Variants in TDRD3 observed in about 807,000 individuals in gnomAD.
TDRD3 encodes the protein tudor domain containing 3, also known as tudor domain-containing protein 3.
A neutral mutation model predicts 86.7 loss-of-function variants in TDRD3; 45 were observed. That is an observed-to-expected ratio of 0.52 (90% CI 0.41 to 0.67). TDRD3 has a LOEUF of 0.67. TDRD3 is among the 30% of genes least tolerant of loss of function. The pLI is 0.00. For missense variants in TDRD3, 814 were observed against 889.0 expected (o/e 0.92, Z 1.07); for synonymous variants, 298 against 301.7 (o/e 0.99, Z 0.13).
chr13:60,506,985 G>T (rs933145646), intron 8 of TDRD3, among the ~76,000 whole-genome samples: 7 of 152,072 alleles, frequency 4.6e-5, no homozygotes, highest in African/African-American at 1.7e-4. Flanking sequence ...ACACACATAG[G>T]CTCAAAATAT....
rs568213936 is a variant in TDRD3, at chr13:60,476,045, T to A, written c.496-7730T>A. 9.9e-4 allele frequency among the ~76,000 whole-genome samples: 151 copies of A among 152,194 alleles called. 1 individual carries two copies. The highest frequency in any genetic ancestry group is 1.9e-3 in the Non-Finnish European group (131 of 68,030). Reference sequence around the variant, plus strand: ...CTGTGCAGAAGCTCTTTAGTTTAATTGGGTCCCACTTCTTATTTTTGTTTT... The same window carrying A: ...CTGTGCAGAAGCTCTTTAGTTTAATAGGGTCCCACTTCTTATTTTTGTTTT... On this transcript the variant is annotated intron_variant, in intron 5 of 13. Transcript: ENST00000377881.
intron 3 of TDRD3, among the ~76,000 whole-genome samples, chr13:60,457,106 G>A (rs1442657092): frequency 1.3e-5 from 2 of 152,070 alleles, no homozygotes; most frequent in Non-Finnish European, 2.9e-5. Flanking sequence ...TAACTACAGA[G>A]TATAAGAAAC....
Position 60,565,041 on chromosome 13 carries a change from C to CTTTTTTT in TDRD3, c.2119-2458_2119-2452dup, listed in dbSNP as rs869194148. On this transcript the variant is annotated intron_variant, in intron 12 of 13. Coordinates refer to ENST00000377881, the MANE Select transcript of TDRD3 (RefSeq NM_001146070.2). Reference sequence around the variant, plus strand: ...GAACTGAAAACCAAACTATCAGTATCTTTTTTTTTTTTTTTTTTTTTTTTT... The same window carrying CTTTTTTT: ...GAACTGAAAACCAAACTATCAGTATCTTTTTTTTTTTTTTTTTTTTTTTTTTTTTTTT... Among the ~76,000 whole-genome samples the CTTTTTTT allele has an allele frequency of 2.6e-3, 181 of 70,886 alleles. 36 individuals carry two copies. Among genetic ancestry groups the CTTTTTTT allele is most frequent in the African/African-American group, 8.6e-3 (140 of 16,186 alleles). 46.5% of individuals were successfully genotyped at this position (70,886 alleles called of 152,430 possible).
chr13:60,526,180 C>CT (rs1375111375), intron 10 of TDRD3, among the ~76,000 whole-genome samples: 1 of 152,052 alleles, frequency 6.6e-6, no homozygotes, highest in African/African-American at 2.4e-5. Flanking sequence ...AAATTCTTCC[C>CT]TAAACAGCAG....
At chr13:60,572,297 C>T (rs1031841542) in intron 13 of TDRD3, among the ~76,000 whole-genome samples, 22 of 152,074 alleles carry the variant, frequency 1.4e-4, no homozygotes, top group African/African-American at 4.8e-4. Flanking sequence ...AAATATTTTT[C>T]GGTGATGAAA....
chr13:60,532,144 A>G (rs564200630), intron 11 of TDRD3, among the ~76,000 whole-genome samples: 1 of 152,316 alleles, frequency 6.6e-6, no homozygotes, highest in South Asian at 2.1e-4. Flanking sequence ...AAAAAAAATC[A>G]AAGTACCAAA....
At chr13:60,487,239 T>A (rs879623844) in intron 7 of TDRD3, among the ~76,000 whole-genome samples, 4 of 152,190 alleles carry the variant, frequency 2.6e-5, no homozygotes, top group Non-Finnish European at 5.9e-5. Flanking sequence ...CTCATGCCTG[T>A]AACCCCAGCA....
chr13:60,448,512 T>G (rs908669545), intron 3 of TDRD3, among the ~76,000 whole-genome samples: 1 of 152,154 alleles, frequency 6.6e-6, no homozygotes, highest in Non-Finnish European at 1.5e-5. Flanking sequence ...CCCCAGAACC[T>G]TGATGCAAAA....
At chr13:60,398,258 C>T (rs1482557992) in intron 1 of TDRD3, among the ~76,000 whole-genome samples, 13 of 152,158 alleles carry the variant, frequency 8.5e-5, no homozygotes, top group African/African-American at 1.4e-4. Flanking sequence ...TGCAACGGCT[C>T]TCTGCAATTA....
intron 8 of TDRD3, among the ~76,000 whole-genome samples, chr13:60,499,466 C>T (rs922986139): frequency 9.2e-5 from 14 of 152,242 alleles, no homozygotes; most frequent in African/African-American, 1.4e-4. Context: ...TATACCTTTA[C>T]TGTCCTTCCT....
chr13:60,524,457 A>G (rs1415108429), intron 10 of TDRD3, among the ~76,000 whole-genome samples: 2 of 151,722 alleles, frequency 1.3e-5, no homozygotes, highest in African/African-American at 2.4e-5. Context: ...CACTGAGCCG[A>G]GACTGCACCA....
rs1956666664 is a variant in TDRD3, at chr13:60,494,383, T to G, written c.718-52T>G. 12 of 1,459,758 alleles carry G rather than the reference T, an allele frequency of 8.2e-6. No individual in the cohort carries two copies. In the South Asian group the frequency reaches 2.0e-4, roughly 24 times the overall value. The allele number at this position is 1,459,758 out of a possible 1,614,324, so 90.4% of individuals were successfully genotyped here. On this transcript the variant is annotated intron_variant, in intron 7 of 13. Transcript: ENST00000377881. ...TTAGTCATAGCTTAGTTTTTAGAACTATTTTTAAATGCTGTCTACATACCT... is the reference window on the plus strand; with the variant it reads ...TTAGTCATAGCTTAGTTTTTAGAACGATTTTTAAATGCTGTCTACATACCT...
chr13:60,478,880 T>A (rs551731367), intron 5 of TDRD3, among the ~76,000 whole-genome samples: 1 of 149,900 alleles, frequency 6.7e-6, no homozygotes, highest in South Asian at 2.1e-4. Context: ...CTTGGCTCAC[T>A]GCAACCTCTG....
intron 3 of TDRD3, among the ~76,000 whole-genome samples, chr13:60,446,492 A>G (rs1955402496): frequency 6.6e-6 from 1 of 151,948 alleles, no homozygotes; most frequent in Middle Eastern, 3.2e-3. Flanking sequence ...CTCCCAAAGT[A>G]TTGGGATTAC....
intron 12 of TDRD3, among the ~76,000 whole-genome samples, chr13:60,540,030 TAGTA>T (rs1957775573): frequency 6.6e-6 from 1 of 152,138 alleles, no homozygotes; most frequent in African/African-American, 2.4e-5. Flanking sequence ...AATTAGTATT[TAGTA>T]AACAATACAA....
chr13:60,409,590 C>T (rs1473825494), intron 1 of TDRD3, among the ~76,000 whole-genome samples: 1 of 152,112 alleles, frequency 6.6e-6, no homozygotes, highest in Non-Finnish European at 1.5e-5. Context: ...TTTGACTGTC[C>T]CACTAGATTT....
At chr13:60,452,994 T>C (rs1172497077) in intron 3 of TDRD3, among the ~76,000 whole-genome samples, 1 of 152,152 alleles carries the variant, frequency 6.6e-6, no homozygotes, top group African/African-American at 2.4e-5. Flanking sequence ...TTTGATTCAT[T>C]TATTTTTCTT....
intron 4 of TDRD3, 52 bp downstream of exon 4, chr13:60,460,592 T>C (rs1468044050): frequency 6.9e-7 from 1 of 1,459,112 alleles, no homozygotes; most frequent in Non-Finnish European, 9.1e-7. Context: ...AAGGTGCTAT[T>C]CAATTGGAAT....
At chr13:60,514,023 G>A (rs1957115728) in intron 10 of TDRD3, among the ~76,000 whole-genome samples, 1 of 152,170 alleles carries the variant, frequency 6.6e-6, no homozygotes, top group Non-Finnish European at 1.5e-5. Context: ...AAGAAGACAA[G>A]AAAATGTGGG....
Sources: allele counts gnomAD v4.1 joint callset (sites outside exome capture counted in the v4.1 genomes callset), GRCh38; gene constraint gnomAD v4.1.1; transcripts MANE v1.5; gene names NCBI Gene and HGNC (gene_info 2026-07-23, HGNC 2026-07-21).